IL1RAPL1: variants seen among roughly 807,000 people sequenced by gnomAD.
IL1RAPL1 encodes interleukin 1 receptor accessory protein like 1, also known as interleukin-1 receptor accessory protein-like 1.
In IL1RAPL1, 3 loss-of-function variants were observed where a neutral mutation model predicts 48.4. That is an observed-to-expected ratio of 0.06 (90% CI 0.03 to 0.16). The LOEUF is 0.16. Ranked by LOEUF, IL1RAPL1 falls within the 10% of genes least tolerant of loss-of-function variation. The probability of loss-of-function intolerance (pLI) is 1.00; values close to 1 mark genes in which losing one functional copy is unlikely to be tolerated. For missense variants in IL1RAPL1, 349 were observed against 530.6 expected (o/e 0.66, Z 3.36); for synonymous variants, 185 against 187.7 (o/e 0.99, Z 0.12).
At chrX:29,524,798 A>G (rs1247906051) in intron 5 of IL1RAPL1, among the ~76,000 whole-genome samples, 1 of 112,421 alleles carries the variant, frequency 8.9e-6, no homozygotes, top group African/African-American at 3.2e-5. Context: ...ACTGAACGAA[A>G]GTGTCGTAAT....
At chrX:29,087,851 A>G (rs1208369340) in intron 2 of IL1RAPL1, among the ~76,000 whole-genome samples, 1 of 111,999 alleles carries the variant, frequency 8.9e-6, no homozygotes, top group Non-Finnish European at 1.9e-5. Context: ...CCTGGGCAAC[A>G]TGGCAAAACC....
intron 1 of IL1RAPL1, among the ~76,000 whole-genome samples, chrX:28,604,238 A>G (rs983361034): frequency 2.7e-4 from 30 of 111,587 alleles, no homozygotes; most frequent in Middle Eastern, 4.6e-3. Context: ...GTATCAATAT[A>G]CCTTCTCCCA....
At chrX:28,975,156 G>A (rs116775448) in intron 2 of IL1RAPL1, among the ~76,000 whole-genome samples, 1,501 of 111,450 alleles carry the variant, frequency 0.013, 26 homozygotes, top group African/African-American at 0.046. Context: ...CTTTTTTTCA[G>A]AATCACCATA....
chrX:29,216,741 G>A (rs961895058), intron 2 of IL1RAPL1, among the ~76,000 whole-genome samples: 2 of 111,792 alleles, frequency 1.8e-5, no homozygotes, highest in South Asian at 3.7e-4. Flanking sequence ...CAAAATGTTG[G>A]CCTGTCACAA....
chrX:29,126,921 A>G (rs1928909840), intron 2 of IL1RAPL1, among the ~76,000 whole-genome samples: 1 of 111,654 alleles, frequency 9.0e-6, no homozygotes. Flanking sequence ...AGAATGAAGA[A>G]CAACAGTTAA....
At chrX:29,241,571 C>T (rs761842428) in intron 2 of IL1RAPL1, among the ~76,000 whole-genome samples, 2 of 111,190 alleles carry the variant, frequency 1.8e-5, no homozygotes, top group Non-Finnish European at 3.8e-5. Flanking sequence ...GGAAATACAG[C>T]AGGGAGATGT....
intron 5 of IL1RAPL1, among the ~76,000 whole-genome samples, chrX:29,546,802 A>C (rs999181705): frequency 8.9e-6 from 1 of 111,950 alleles, no homozygotes; most frequent in African/African-American, 3.2e-5. Context: ...CTCCTCTCCC[A>C]TATTCCTGCC....
chrX:29,539,669 A>G (rs865934018), intron 5 of IL1RAPL1, among the ~76,000 whole-genome samples: 5 of 110,613 alleles, frequency 4.5e-5, no homozygotes, highest in Middle Eastern at 4.2e-3. Flanking sequence ...TTATTTAAAA[A>G]TGCGTAGCAC....
chrX:29,727,787 A>G (rs992609028), intron 6 of IL1RAPL1, among the ~76,000 whole-genome samples: 2 of 111,490 alleles, frequency 1.8e-5, no homozygotes, highest in South Asian at 7.6e-4. Flanking sequence ...CAAAAACTGA[A>G]TATATAGGTG....
At chrX:28,683,541 G>A (rs781140081) in intron 1 of IL1RAPL1, among the ~76,000 whole-genome samples, 2 of 111,352 alleles carry the variant, frequency 1.8e-5, no homozygotes, top group Non-Finnish European at 3.8e-5. Flanking sequence ...ATAACCCCGC[G>A]GGCTAGAAGC....
intron 5 of IL1RAPL1, among the ~76,000 whole-genome samples, chrX:29,529,748 AAGG>A (rs749865780): frequency 1.8e-5 from 2 of 111,193 alleles, no homozygotes; most frequent in African/African-American, 6.5e-5. Context: ...TTAAGGGGTA[AAGG>A]AATATAATAT....
At chrX:29,230,492 T>C (rs914274411) in intron 2 of IL1RAPL1, among the ~76,000 whole-genome samples, 5 of 40,724 alleles carry the variant, frequency 1.2e-4, no homozygotes, top group African/African-American at 5.2e-4. Flanking sequence ...TCTATCATTA[T>C]GGTCCCTTTA....
chrX:29,708,518 T>C (rs1927259530), intron 6 of IL1RAPL1, among the ~76,000 whole-genome samples: 1 of 112,141 alleles, frequency 8.9e-6, no homozygotes, highest in Non-Finnish European at 1.9e-5. Context: ...TAGCATAATG[T>C]CTTCCAGTTC....
chrX:29,070,871 A>G (rs1033906745), intron 2 of IL1RAPL1, among the ~76,000 whole-genome samples: 3 of 111,679 alleles, frequency 2.7e-5, no homozygotes, highest in African/African-American at 9.7e-5. Context: ...ATAGCTTAAT[A>G]TTAAAGCATT....
intron 5 of IL1RAPL1, among the ~76,000 whole-genome samples, chrX:29,517,177 T>A (rs1420889163): frequency 9.0e-6 from 1 of 110,993 alleles, no homozygotes; most frequent in African/African-American, 3.3e-5. Flanking sequence ...TTACTAGGGT[T>A]TATAGCTTAA....
At chrX:29,122,460 ACCCCCACCCCACC>A (rs1928814747) in intron 2 of IL1RAPL1, among the ~76,000 whole-genome samples, 2 of 29,645 alleles carry the variant, frequency 6.7e-5, no homozygotes, top group African/African-American at 3.1e-4. Flanking sequence ...CGCCCCCCCC[ACCCCCACCCCACC>A]CACACACACT....
In IL1RAPL1 at chrX:28,664,747, A is replaced by C. The variant is rs186098633; in HGVS notation, c.-25+76700A>C. 1.9e-3 allele frequency among the ~76,000 whole-genome samples: 209 copies of C among 111,847 alleles called. 4 individuals carry two copies. The highest frequency in any genetic ancestry group is 0.015 in the Admixed American group (162 of 10,480). On this transcript the variant is annotated intron_variant, in intron 1 of 10. Coordinates refer to ENST00000378993, the MANE Select transcript of IL1RAPL1 (RefSeq NM_014271.4). ...TAAGCTACACTCTACTACATTCAGT[A>C]TGGAATCAGGAAGACTAAATGAACT...
chrX:29,525,496 G>A (rs1002837020), intron 5 of IL1RAPL1, among the ~76,000 whole-genome samples: 3 of 112,035 alleles, frequency 2.7e-5, no homozygotes, highest in African/African-American at 9.7e-5. Flanking sequence ...ATGGGAACTA[G>A]AGGCAGGGTG....
chrX:29,729,517 A>G (rs1469209412), intron 6 of IL1RAPL1, among the ~76,000 whole-genome samples: 3 of 111,134 alleles, frequency 2.7e-5, no homozygotes, highest in African/African-American at 6.5e-5. Context: ...TTTCATCTTG[A>G]TAAGAAATAC....
Sources: gnomAD v4.1 joint callset for allele counts (sites outside exome capture counted in the v4.1 genomes callset) on GRCh38, gnomAD v4.1.1 for gene constraint, MANE v1.5 for transcripts, NCBI Gene and HGNC (gene_info 2026-07-23, HGNC 2026-07-21) for gene names.